The following CAMKMT variants were observed in gnomAD, a reference collection of about 807,000 sequenced individuals.
The protein encoded by CAMKMT is CaM KMT.
Under a neutral mutation model 48.0 loss-of-function variants are expected in CAMKMT, and 53 were observed. The ratio of observed to expected loss-of-function variants is 1.10; its 90% CI spans 0.89 to 1.39. The LOEUF (loss-of-function observed/expected upper bound fraction) is 1.39, where lower values mean the gene tolerates loss of function less well. Among genes scored for constraint, CAMKMT ranks in the 40% most tolerant of loss-of-function variants. The probability of loss-of-function intolerance (pLI) is 0.00; values close to 1 mark genes in which losing one functional copy is unlikely to be tolerated. For synonymous variants in CAMKMT, 165 were observed against 152.3 expected, an observed-to-expected ratio of 1.08 and a Z score of -0.61; for missense variants, 428 against 402.7, an observed-to-expected ratio of 1.06 and a Z score of -0.54.
At chr2:44,594,638 T>G (rs1018351755) in intron 3 of CAMKMT, among the ~76,000 whole-genome samples, 7 of 152,170 alleles carry the variant, frequency 4.6e-5, no homozygotes, top group Non-Finnish European at 1.0e-4. Context: ...GATCCCTTCC[T>G]TACACCTTAG....
chr2:44,765,780 A>T (rs550382893), intron 9 of CAMKMT, among the ~76,000 whole-genome samples: 1 of 152,220 alleles, frequency 6.6e-6, no homozygotes, highest in Non-Finnish European at 1.5e-5. Flanking sequence ...AAAAGCAATC[A>T]TGTGAATACT....
intron 3 of CAMKMT, among the ~76,000 whole-genome samples, chr2:44,402,909 A>T (rs1682524014): frequency 1.4e-5 from 2 of 146,862 alleles, no homozygotes; most frequent in African/African-American, 2.5e-5. Context: ...CTTTTTTTGA[A>T]GATATTACTG....
chr2:44,444,236 C>T (rs1489274431), intron 3 of CAMKMT, among the ~76,000 whole-genome samples: 1 of 152,150 alleles, frequency 6.6e-6, no homozygotes, highest in African/African-American at 2.4e-5. Context: ...AAATTCAGTC[C>T]TGCCTTGAGC....
chr2:44,381,953 T>TG (rs1320924832), intron 2 of CAMKMT, among the ~76,000 whole-genome samples: 4 of 150,616 alleles, frequency 2.7e-5, no homozygotes, highest in Admixed American at 2.0e-4. Flanking sequence ...TTTTTTTTTT[T>TG]TTTTTGAGAT....
At chr2:44,646,964 T>A (rs748877417) in intron 3 of CAMKMT, among the ~76,000 whole-genome samples, 10 of 152,236 alleles carry the variant, frequency 6.6e-5, no homozygotes, top group Non-Finnish European at 1.3e-4. Context: ...TTAGGGAAAG[T>A]ATATTTTTCT....
chr2:44,485,333 T>C (rs573944060), intron 3 of CAMKMT, among the ~76,000 whole-genome samples: 1 of 152,370 alleles, frequency 6.6e-6, no homozygotes, highest in South Asian at 2.1e-4. Flanking sequence ...AATTGTGGTT[T>C]ATTCATATAA....
chr2:44,595,606 A>G (rs772685286), intron 3 of CAMKMT, among the ~76,000 whole-genome samples: 6 of 152,228 alleles, frequency 3.9e-5, no homozygotes, highest in Non-Finnish European at 8.8e-5. Context: ...ATCCCCATGA[A>G]GCTACCATTG....
At chr2:44,540,516 C>T (rs1222639120) in intron 3 of CAMKMT, among the ~76,000 whole-genome samples, 1 of 152,032 alleles carries the variant, frequency 6.6e-6, no homozygotes, top group Non-Finnish European at 1.5e-5. Flanking sequence ...TTTGGGAGGC[C>T]GAGGTGTGCG....
At chr2:44,405,183 A>G (rs550982067) in intron 3 of CAMKMT, among the ~76,000 whole-genome samples, 4 of 152,238 alleles carry the variant, frequency 2.6e-5, no homozygotes, top group South Asian at 2.1e-4. Flanking sequence ...TTTTGACCCA[A>G]TAATCCCACT....
Position 44,559,378 on chromosome 2 carries a change from G to A in CAMKMT, c.377-144905G>A, listed in dbSNP as rs185681606. Among the ~76,000 whole-genome samples, 70 of 152,266 alleles carry A rather than the reference G, an allele frequency of 4.6e-4. No homozygotes were observed. In the East Asian group the frequency reaches 5.6e-3, roughly 12 times the overall value. On this transcript the variant is annotated intron_variant, in intron 3 of 10. Transcript: ENST00000378494. ...TAAACTGTTGCAGGTGTGAAGAAAT[G>A]TTCTTCATCAAGAGCCTATGTGTTC...
chr2:44,748,499 G>A (rs561897291), intron 8 of CAMKMT, among the ~76,000 whole-genome samples: 6 of 152,172 alleles, frequency 3.9e-5, no homozygotes, highest in Admixed American at 6.5e-5. Context: ...CAGGTTTCCC[G>A]TAGGCCTGGG....
rs1418257614 is a variant in CAMKMT, at chr2:44,390,255, C to T, written c.326C>T (p.Ser109Phe). ...YSISLRHNSG[S>F]LNVEDVLTSF... is the part of the protein sequence containing the mutation. ...CTCCTTTCTAGGCATAATAGTGGAT[C>T]CTTGAATGTTGAAGATGTCCTTACC... The change falls in exon 3 of 11, where the codon TCC becomes TTC. Residue 109 changes from serine to phenylalanine, a missense_variant. By Grantham distance (155) the Ser-to-Phe change is radical. Transcript: ENST00000378494. 1 of 1,609,060 alleles carries T rather than the reference C, an allele frequency of 6.2e-7. No individual in the cohort carries two copies. The highest frequency in any genetic ancestry group is 8.5e-7 in the Non-Finnish European group (1 of 1,177,976).
chr2:44,365,299 T>TG (rs1403513650), intron 1 of CAMKMT, among the ~76,000 whole-genome samples: 2 of 152,154 alleles, frequency 1.3e-5, no homozygotes, highest in African/African-American at 4.8e-5. Flanking sequence ...AACTATTCAG[T>TG]ATTTTCTGTG....
chr2:44,393,838 G>A (rs561928258), intron 3 of CAMKMT, among the ~76,000 whole-genome samples: 5 of 152,176 alleles, frequency 3.3e-5, no homozygotes, highest in African/African-American at 1.2e-4. Context: ...CTTGTCCTCT[G>A]ACCTCTGGTC....
chr2:44,456,148 T>C (rs1667551333), intron 3 of CAMKMT, among the ~76,000 whole-genome samples: 1 of 152,194 alleles, frequency 6.6e-6, no homozygotes, highest in African/African-American at 2.4e-5. Context: ...CCAAATATAT[T>C]GCTAGTACAT....
chr2:44,683,643 AC>A (rs995295840), intron 3 of CAMKMT, among the ~76,000 whole-genome samples: 4 of 151,958 alleles, frequency 2.6e-5, no homozygotes, highest in Non-Finnish European at 4.4e-5. Flanking sequence ...ACACAGTGAA[AC>A]CCCCTCTCTA....
intron 3 of CAMKMT, among the ~76,000 whole-genome samples, chr2:44,415,264 T>C (rs1310099122): frequency 6.6e-6 from 1 of 152,234 alleles, no homozygotes; most frequent in African/African-American, 2.4e-5. Flanking sequence ...TTTCATCAAG[T>C]AGGTAGCAGA....
At chr2:44,769,087 C>A (rs1191759104) in intron 10 of CAMKMT, among the ~76,000 whole-genome samples, 1 of 148,404 alleles carries the variant, frequency 6.7e-6, no homozygotes, top group Non-Finnish European at 1.5e-5. Flanking sequence ...CCTCCTCTTA[C>A]AACAGGGGAA....
chr2:44,653,702 C>T lies in CAMKMT; in HGVS notation c.377-50581C>T, dbSNP rs1674212497. Among the ~76,000 whole-genome samples the T allele has an allele frequency of 6.6e-6, 1 of 151,992 alleles. No individual in the cohort carries two copies. The highest frequency in any genetic ancestry group is 2.1e-4 in the South Asian group (1 of 4,824). ...ACCAAGATTAATGAAAAATTTTATC[C>T]CCCTTTTAAGTAAATTAATCTTTTG... On this transcript the variant is annotated intron_variant, in intron 3 of 10. Transcript: ENST00000378494. This position sits in a 1 kb window ranked among gnomAD's most constrained non-coding sequence, Gnocchi z 5.2.
Sources: allele counts gnomAD v4.1 joint callset (sites outside exome capture counted in the v4.1 genomes callset), GRCh38; gene constraint gnomAD v4.1.1; non-coding constraint Gnocchi (gnomAD v3.1); transcripts MANE v1.5; gene names NCBI Gene and HGNC (gene_info 2026-07-23, HGNC 2026-07-21).